The following CNTRL variants were observed in gnomAD, a reference collection of about 807,000 sequenced individuals.
CNTRL encodes the protein centriolin.
A neutral mutation model predicts 303.7 loss-of-function variants in CNTRL; 233 were observed. That is an observed-to-expected ratio of 0.77 (90% CI 0.69 to 0.86). The LOEUF is 0.86. CNTRL is among the 40% of genes least tolerant of loss of function. CNTRL has a pLI of 0.00. For missense variants in CNTRL, 2,524 were observed against 2,650.6 expected (o/e 0.95, Z 1.05); for synonymous variants, 900 against 922.2 (o/e 0.98, Z 0.44).
chr9:121,099,239 C>G (rs2049026393), intron 7 of CNTRL, among the ~76,000 whole-genome samples: 1 of 152,182 alleles, frequency 6.6e-6, no homozygotes, highest in Non-Finnish European at 1.5e-5. Context: ...ATTTGCCGTT[C>G]TGCAATATAT....
chr9:121,109,975 C>T (rs1218680552), intron 8 of CNTRL, among the ~76,000 whole-genome samples: 3 of 152,046 alleles, frequency 2.0e-5, no homozygotes, highest in Non-Finnish European at 4.4e-5. Context: ...GGGTCTTATT[C>T]TAAGAGCTTA....
rs749172469 is a variant in CNTRL, at chr9:121,173,514, G to A, written c.6684+5G>A. On this transcript the variant is annotated splice_donor_5th_base_variant and intron_variant, in intron 41 of 43. Coordinates refer to ENST00000373855, the MANE Select transcript of CNTRL (RefSeq NM_007018.6). Reference sequence around the variant, plus strand: ...TTTTCCCAAGTTCACATAATGGTAAGGGTTTATCCTGCTATTCTCTGGGTT... The same window carrying A: ...TTTTCCCAAGTTCACATAATGGTAAAGGTTTATCCTGCTATTCTCTGGGTT... 1 of 1,612,740 alleles carries A rather than the reference G, an allele frequency of 6.2e-7. No homozygotes were observed. The highest frequency in any genetic ancestry group is 1.1e-5 in the South Asian group (1 of 90,980).
intron 4 of CNTRL, 70 bp from the exon 5 acceptor site, chr9:121,094,818 A>C (rs1171852996): frequency 1.7e-6 from 2 of 1,167,540 alleles, no homozygotes; most frequent in African/African-American, 3.2e-5. Flanking sequence ...CCTGATGCAC[A>C]TAAGTAAATG....
At chr9:121,140,154 C>G (rs2051419598) in intron 16 of CNTRL, among the ~76,000 whole-genome samples, 1 of 152,222 alleles carries the variant, frequency 6.6e-6, no homozygotes, top group African/African-American at 2.4e-5. Context: ...CTTTTTCCAT[C>G]TCTCCGAGCA....
intron 11 of CNTRL, among the ~76,000 whole-genome samples, chr9:121,115,780 T>C (rs1458069714): frequency 2.0e-5 from 3 of 152,248 alleles, no homozygotes; most frequent in Non-Finnish European, 4.4e-5. Flanking sequence ...TTGTAACTTT[T>C]AAAAATCAGT....
chr9:121,140,767 T>C lies in CNTRL; in HGVS notation c.2464T>C (p.Leu822=). 6.2e-7 allele frequency: 1 copy of C among 1,611,838 alleles called. No homozygotes were observed. Among genetic ancestry groups the C allele is most frequent in the African/African-American group, 1.3e-5 (1 of 74,954 alleles). ...RVDELRRKLK[L]GTGEMNIHSP... ...GGATGAGCTAAGAAGAAAACTGAAA[T>C]TAGGAACTGGGGAAATGAAGTAAGG... is the stretch of plus-strand genomic sequence containing the variant. Residue 822 remains leucine (L), a synonymous_variant, in exon 17 of 44, where the codon TTA becomes CTA. Coordinates refer to ENST00000373855, the MANE Select transcript of CNTRL (RefSeq NM_007018.6).
chr9:121,170,378 A>T (rs1361841678), intron 39 of CNTRL, among the ~76,000 whole-genome samples: 1 of 152,146 alleles, frequency 6.6e-6, no homozygotes, highest in Non-Finnish European at 1.5e-5. Context: ...TCCTGACCTC[A>T]GGTGATCCAC....
At position 121,106,613 on chromosome 9, in the gene CNTRL, T is replaced by C. The variant is rs568346617; in HGVS notation, c.809-1189T>C. Reference sequence around the variant, plus strand: ...GTGAGAGAGAAAATAGAAGAAAGTGTATGGGAAGTTTGAGAAGAAAGAGGA... The same window carrying C: ...GTGAGAGAGAAAATAGAAGAAAGTGCATGGGAAGTTTGAGAAGAAAGAGGA... On this transcript the variant is annotated intron_variant, in intron 7 of 43. Transcript: ENST00000373855. 3.3e-5 allele frequency among the ~76,000 whole-genome samples: 5 copies of C among 152,034 alleles called. No homozygotes were observed. The South Asian group carries it at 1.0e-3, about 32-fold the overall frequency.
At position 121,104,937 on chromosome 9, in the gene CNTRL, C is replaced by A. The variant is rs2049390046; in HGVS notation, c.809-2865C>A. ...CGGGGTCAGGCTGGTCTTGAACTCC[C>A]AACCGCAGGTGATCCGCCTGCCTCG... is the stretch of plus-strand genomic sequence containing the variant. On this transcript the variant is annotated intron_variant, in intron 7 of 43. Coordinates refer to ENST00000373855, the MANE Select transcript of CNTRL (RefSeq NM_007018.6). Among the ~76,000 whole-genome samples, 4 of 152,158 alleles carry A rather than the reference C, an allele frequency of 2.6e-5. No homozygotes were observed. The East Asian group carries it at 7.7e-4, about 29-fold the overall frequency.
chr9:121,149,148 C>T (rs1319288663), intron 24 of CNTRL, among the ~76,000 whole-genome samples: 1 of 152,180 alleles, frequency 6.6e-6, no homozygotes, highest in Non-Finnish European at 1.5e-5. Flanking sequence ...CCCAGGCTGA[C>T]TAAGCAGCCT....
rs1166274728 is a variant in CNTRL at position 121,139,289 on chromosome 9, C to G, written c.2337+610C>G. On this transcript the variant is annotated intron_variant, in intron 16 of 43. Transcript: ENST00000373855. Reference sequence around the variant, plus strand: ...CTCTCGAAGAAGACAGATGTCTGAACAAACAAGTACCTGAATCATCACTCA... The same window carrying G: ...CTCTCGAAGAAGACAGATGTCTGAAGAAACAAGTACCTGAATCATCACTCA... Among the ~76,000 whole-genome samples, 3 of 152,146 alleles carry G rather than the reference C, an allele frequency of 2.0e-5. No individual in the cohort carries two copies. The East Asian group carries it at 5.8e-4, about 29-fold the overall frequency.
intron 4 of CNTRL, among the ~76,000 whole-genome samples, chr9:121,092,253 G>A (rs2048610581): frequency 6.9e-6 from 1 of 144,900 alleles, no homozygotes; most frequent in Non-Finnish European, 1.5e-5. Context: ...GTGACAGAAT[G>A]CAAGGCACCA....
chr9:121,123,137 A>T (rs1261013474), intron 12 of CNTRL, among the ~76,000 whole-genome samples: 1 of 151,822 alleles, frequency 6.6e-6, no homozygotes, highest in Non-Finnish European at 1.5e-5. Flanking sequence ...AAGTTTTTTA[A>T]ATATAAAAAT....
intron 11 of CNTRL, among the ~76,000 whole-genome samples, chr9:121,116,570 G>A (rs147711162): frequency 5.3e-5 from 8 of 152,054 alleles, no homozygotes; most frequent in East Asian, 1.9e-4. Flanking sequence ...CGATCTGCCC[G>A]TCTTGGCCTC....
chr9:121,161,383 G>C, intron 32 of CNTRL: 1 of 386,906 alleles, frequency 2.6e-6, no homozygotes. Flanking sequence ...ATCTCAGTCT[G>C]TATTTCAAAG....
At chr9:121,155,137 A>T (rs1040741550) in intron 27 of CNTRL, among the ~76,000 whole-genome samples, 1 of 152,214 alleles carries the variant, frequency 6.6e-6, no homozygotes, top group Non-Finnish European at 1.5e-5. Flanking sequence ...GGCTAAGAAT[A>T]CGTAGGCTTT....
intron 34 of CNTRL, 54 bp from the exon 35 acceptor site, chr9:121,164,889 T>G: frequency 7.1e-7 from 1 of 1,407,954 alleles, no homozygotes; most frequent in South Asian, 1.2e-5. Context: ...TGTTCCTCAG[T>G]CATCTCCTGT....
chr9:121,175,346 A>G (rs2053478966), intron 43 of CNTRL, 122 bp downstream of exon 43: 3 of 825,786 alleles, frequency 3.6e-6, no homozygotes, highest in Non-Finnish European at 6.0e-6. Context: ...AGCTCACTGC[A>G]GCCTTGACCT....
At chr9:121,141,691 G>A in intron 18 of CNTRL, 103 bp downstream of exon 18, 1 of 1,114,586 alleles carries the variant, frequency 9.0e-7, no homozygotes, top group Non-Finnish European at 1.3e-6. Context: ...CAACATAATT[G>A]TTGTTATTTT....
Sources: gnomAD v4.1 joint callset for allele counts (sites outside exome capture counted in the v4.1 genomes callset) on GRCh38, gnomAD v4.1.1 for gene constraint, MANE v1.5 for transcripts, NCBI Gene and HGNC (gene_info 2026-07-23, HGNC 2026-07-21) for gene names.